Variants in INCENP observed in about 807,000 individuals in gnomAD.
INCENP encodes binds and activates aurora-B and -C in vivo and in vitro.
INCENP carries 43 observed loss-of-function variants against 107.3 expected under a neutral mutation model. That is an observed-to-expected ratio of 0.40 (90% CI 0.31 to 0.52). The LOEUF is 0.52. Ranked by LOEUF, INCENP falls within the 20% of genes least tolerant of loss-of-function variation. The pLI is 0.53. For missense variants in INCENP, 1,089 were observed against 1,250.9 expected, an observed-to-expected ratio of 0.87 and a Z score of 1.95; for synonymous variants, 488 against 494.4, an observed-to-expected ratio of 0.99 and a Z score of 0.17.
At chr11:62,134,606 G>C (rs963631223) in intron 4 of INCENP, among the ~76,000 whole-genome samples, 1 of 151,998 alleles carries the variant, frequency 6.6e-6, no homozygotes, top group Non-Finnish European at 1.5e-5. Context: ...TTTACATTAA[G>C]ACTTTTTATG....
In INCENP at chr11:62,130,504, C is replaced by T. The variant is rs1336278453; in HGVS notation, c.977C>T (p.Ala326Val). ...QVLAQKYSLV[A>V]KQESVVRRAS... is the part of the protein sequence containing the mutation. ...TTAGCCCAGAAGTACTCTCTGGTGG[C>T]CAAACAGGAAAGTGTTGTCCGCAGG... Residue 326 changes from alanine (A) to valine (V), a missense_variant, in exon 4 of 19, where the codon GCC becomes GTC. Transcript: ENST00000394818. 6.2e-7 allele frequency: 1 copy of T among 1,614,088 alleles called. No individual in the cohort carries two copies. The highest frequency in any genetic ancestry group is 8.5e-7 in the Non-Finnish European group (1 of 1,180,040).
At chr11:62,143,749 G>A (rs1224526567) in intron 11 of INCENP, among the ~76,000 whole-genome samples, 1 of 152,206 alleles carries the variant, frequency 6.6e-6, no homozygotes, top group African/African-American at 2.4e-5. Context: ...CAGGAAGAGG[G>A]GGAAGCTATT....
chr11:62,148,504 C>A lies in INCENP; in HGVS notation c.2233C>A (p.Arg745=). ...GCTGCAGGAGCGGGAGAAGGCCCTGCGGCTGCAGAAGGAGCAGCTGCAGAG... is the reference window on the plus strand; with the variant it reads ...GCTGCAGGAGCGGGAGAAGGCCCTGAGGCTGCAGAAGGAGCAGCTGCAGAG... ...RELQEREKAL[R]LQKEQLQREL... The change falls in exon 16 of 19, where the codon CGG becomes AGG. Residue 745 remains arginine (R), a synonymous_variant. Coordinates refer to ENST00000394818, the MANE Select transcript of INCENP (RefSeq NM_001040694.2). 6.2e-7 allele frequency: 1 copy of A among 1,607,518 alleles called. No individual in the cohort carries two copies. Among genetic ancestry groups the A allele is most frequent in the Non-Finnish European group, 8.5e-7 (1 of 1,177,844 alleles).
chr11:62,127,551 G>A (rs1396897616), intron 1 of INCENP, among the ~76,000 whole-genome samples: 1 of 152,178 alleles, frequency 6.6e-6, no homozygotes, highest in African/African-American at 2.4e-5. Context: ...GCATATCTCT[G>A]GATCACTACT....
Position 62,150,128 on chromosome 11 carries a change from C to T in INCENP, c.2463C>T (p.Asn821=). The change falls in exon 18 of 19, where the codon AAC becomes AAT. Residue 821 remains asparagine (N), a synonymous_variant. Coordinates refer to ENST00000394818, the MANE Select transcript of INCENP (RefSeq NM_001040694.2). ...HRAPPKINPD[N]YGMDLNSDDS... ...CCCCTCCCAAGATCAACCCAGATAA[C>T]TACGGGATGGATCTGAATAGCGACG... is the stretch of plus-strand genomic sequence containing the variant. The T allele has an allele frequency of 6.2e-7, 1 of 1,614,064 alleles. No homozygotes were observed. Among genetic ancestry groups the T allele is most frequent in the Non-Finnish European group, 8.5e-7 (1 of 1,179,990 alleles).
chr11:62,149,857 G>A (rs753225658), intron 17 of INCENP, among the ~76,000 whole-genome samples, 200 bp from the exon 18 acceptor site: 8 of 151,062 alleles, frequency 5.3e-5, no homozygotes, highest in Admixed American at 1.3e-4. Context: ...GGGAGGCGGA[G>A]GTTGCAGTGA....
At chr11:62,144,708 C>A in intron 11 of INCENP, 1 of 724,578 alleles carries the variant, frequency 1.4e-6, no homozygotes, top group Non-Finnish European at 2.5e-6. Context: ...TGGAGCCTGA[C>A]TTTTGTGTTG....
chr11:62,144,812 C>T (rs1182576753), intron 11 of INCENP, 170 bp from the exon 12 acceptor site: 1 of 771,828 alleles, frequency 1.3e-6, no homozygotes, highest in East Asian at 2.4e-5. Flanking sequence ...GAGCTGCGGG[C>T]CTTGGCTTGG....
At position 62,152,034 on chromosome 11, in the gene INCENP, T is replaced by C. The variant is rs1944387065; in HGVS notation, c.*58T>C. 2 of 1,340,232 alleles carry C rather than the reference T, an allele frequency of 1.5e-6. No individual in the cohort carries two copies. The highest frequency in any genetic ancestry group is 4.8e-5 in the East Asian group (2 of 41,890). The allele number at this position is 1,340,232 out of a possible 1,614,324, so 83.0% of individuals were successfully genotyped here. On this transcript the variant is annotated 3_prime_UTR_variant, in exon 19 of 19. Transcript: ENST00000394818. ...TCCTGTCCATGTCTATCTGTCTGTC[T>C]GTCGGTCTCTGTCTTGGTCTGTTGC... is the stretch of plus-strand genomic sequence containing the variant.
chr11:62,145,135 G>A (rs764444158), intron 12 of INCENP, 34 bp from the exon 13 acceptor site: 1 of 1,614,066 alleles, frequency 6.2e-7, no homozygotes, highest in South Asian at 1.1e-5. Context: ...CCCAGCCTTG[G>A]TGGGGCTCCC....
chr11:62,135,502 C>T (rs954087850), intron 4 of INCENP, among the ~76,000 whole-genome samples: 1 of 152,056 alleles, frequency 6.6e-6, no homozygotes, highest in Admixed American at 6.6e-5. Context: ...GACCTCAAAT[C>T]ATCCGTCTGC....
rs765291422 is a variant in INCENP, at chr11:62,140,195, A to G, written c.1292-39A>G. Reference sequence around the variant, plus strand: ...CCCCCATTCCCACCCTGCCGCCGCCATCGTTTCTGCAGCCTTGCTGAAATT... The same window carrying G: ...CCCCCATTCCCACCCTGCCGCCGCCGTCGTTTCTGCAGCCTTGCTGAAATT... On this transcript the variant is annotated intron_variant, in intron 7 of 18. Coordinates refer to ENST00000394818, the MANE Select transcript of INCENP (RefSeq NM_001040694.2). 5 of 1,598,550 alleles carry G rather than the reference A, an allele frequency of 3.1e-6. No individual in the cohort carries two copies. The South Asian group carries it at 3.3e-5, about 11-fold the overall frequency.
At chr11:62,138,662 A>G (rs747525053) in intron 5 of INCENP, 51 bp from the exon 6 acceptor site, 16 of 1,550,050 alleles carry the variant, frequency 1.0e-5, no homozygotes, top group Admixed American at 3.4e-5. Flanking sequence ...CCCTAGGGGG[A>G]GGGCTTGGAC....
chr11:62,140,647 G>T, intron 8 of INCENP, 57 bp from the exon 9 acceptor site: 1 of 1,425,194 alleles, frequency 7.0e-7, no homozygotes, highest in African/African-American at 1.4e-5. Context: ...ACTTTTGATG[G>T]GGTGTGGCTG....
At chr11:62,148,368 T>G (rs1944300343) in intron 15 of INCENP, 108 bp from the exon 16 acceptor site, 1 of 1,018,222 alleles carries the variant, frequency 9.8e-7, no homozygotes, top group Admixed American at 2.7e-5. Context: ...AATCCCACTT[T>G]CTAAGGTGTG....
intron 11 of INCENP, 73 bp downstream of exon 11, chr11:62,141,584 A>G: frequency 6.4e-7 from 1 of 1,562,254 alleles, no homozygotes; most frequent in Non-Finnish European, 8.8e-7. Flanking sequence ...TTCCCTGCGT[A>G]GCTGACAGCA....
At chr11:62,145,583 A>G (rs751102161) in intron 13 of INCENP, 46 bp from the exon 14 acceptor site, 2 of 1,565,992 alleles carry the variant, frequency 1.3e-6, no homozygotes, top group Non-Finnish European at 1.7e-6. Context: ...ACTCTGCAGG[A>G]TTGAATGTGG....
At chr11:62,147,949 T>A (rs528464173) in intron 15 of INCENP, among the ~76,000 whole-genome samples, 1 of 152,130 alleles carries the variant, frequency 6.6e-6, no homozygotes, top group African/African-American at 2.4e-5. Context: ...TAGTCCTCAG[T>A]TGAAGCCCAT....
chr11:62,142,897 C>T (rs112720982), intron 11 of INCENP, among the ~76,000 whole-genome samples: 25 of 152,328 alleles, frequency 1.6e-4, no homozygotes, highest in African/African-American at 5.8e-4. Flanking sequence ...CAATAACCTG[C>T]AGCATCATTT....
Sources: gnomAD v4.1 joint callset for allele counts (sites outside exome capture counted in the v4.1 genomes callset) on GRCh38, gnomAD v4.1.1 for gene constraint, MANE v1.5 for transcripts, NCBI Gene and HGNC (gene_info 2026-07-23, HGNC 2026-07-21) for gene names.